PPP2R2B: variants seen among roughly 807,000 people sequenced by gnomAD.
PPP2R2B encodes protein phosphatase 2 regulatory subunit Bbeta, also known as serine/threonine-protein phosphatase 2A 55 kDa regulatory subunit B beta isoform.
Under a neutral mutation model 46.0 loss-of-function variants are expected in PPP2R2B, and 5 were observed. The ratio of observed to expected loss-of-function variants is 0.11; its 90% CI spans 0.06 to 0.23. The LOEUF (loss-of-function observed/expected upper bound fraction) is 0.23. PPP2R2B is among the 10% of genes least tolerant of loss of function. PPP2R2B has a pLI of 1.00. For synonymous variants in PPP2R2B, 215 were observed against 206.7 expected (o/e 1.04, Z -0.34); for missense variants, 367 against 575.0 (o/e 0.64, Z 3.70).
intron 1 of PPP2R2B, among the ~76,000 whole-genome samples, chr5:147,004,689 C>T (rs915745276): frequency 1.8e-4 from 27 of 152,092 alleles, no homozygotes; most frequent in African/African-American, 6.5e-4. Flanking sequence ...TTTGTTGTCC[C>T]CTGCTTGAGG....
chr5:147,003,771 A>G (rs907095528), intron 1 of PPP2R2B, among the ~76,000 whole-genome samples: 11 of 152,154 alleles, frequency 7.2e-5, no homozygotes, highest in African/African-American at 2.7e-4. Flanking sequence ...GAAAAAGCCC[A>G]TGAATTATTC....
At chr5:147,054,399 G>A (rs1291201642) in intron 1 of PPP2R2B, among the ~76,000 whole-genome samples, 1 of 151,936 alleles carries the variant, frequency 6.6e-6, no homozygotes, top group Non-Finnish European at 1.5e-5. Context: ...GACTTACTAA[G>A]TTTTTCTCCA....
At chr5:146,877,290 G>C (rs1761951270) in intron 2 of PPP2R2B, among the ~76,000 whole-genome samples, 2 of 152,148 alleles carry the variant, frequency 1.3e-5, no homozygotes, top group Non-Finnish European at 2.9e-5. Context: ...GCAAAGCTCA[G>C]CTTGCTGAAC....
At chr5:146,834,611 G>A (rs545579329) in intron 2 of PPP2R2B, among the ~76,000 whole-genome samples, 47 of 152,212 alleles carry the variant, frequency 3.1e-4, no homozygotes, top group African/African-American at 1.1e-3. Flanking sequence ...TTTTATGAAA[G>A]TTCAGAGTCC....
chr5:146,592,072 A>T (rs930197649), intron 9 of PPP2R2B: 9 of 429,734 alleles, frequency 2.1e-5, no homozygotes, highest in Non-Finnish European at 4.2e-5. Context: ...ATAAAATGAG[A>T]GGGCTGGCTT....
Position 146,727,607 on chromosome 5 carries a change from G to A in PPP2R2B, c.71-26465C>T, listed in dbSNP as rs940756145. 9.9e-5 allele frequency among the ~76,000 whole-genome samples: 15 copies of A among 151,812 alleles called. No individual in the cohort carries two copies. In the East Asian group the frequency reaches 1.2e-3, roughly 12 times the overall value. ...ATTTAGATAGGTGCAGTAACAGCCC[G>A]GACTTCACCACTATGCAATAGATCC... On this transcript the variant is annotated intron_variant, in intron 2 of 9. Coordinates refer to ENST00000394411, the MANE Select transcript of PPP2R2B (RefSeq NM_181675.4).
chr5:146,963,135 C>T (rs1752249767), intron 1 of PPP2R2B, among the ~76,000 whole-genome samples: 1 of 152,170 alleles, frequency 6.6e-6, no homozygotes, highest in Non-Finnish European at 1.5e-5. Flanking sequence ...CTTTGCTTCC[C>T]ATTTAGGGGC....
chr5:146,921,044 G>A (rs1582430876), intron 1 of PPP2R2B, among the ~76,000 whole-genome samples: 2 of 152,160 alleles, frequency 1.3e-5, no homozygotes, highest in East Asian at 1.9e-4. Context: ...TGTTGTCTCT[G>A]GTCTTTGTTC....
intron 1 of PPP2R2B, among the ~76,000 whole-genome samples, chr5:146,970,630 A>T (rs1215068674): frequency 6.6e-6 from 1 of 152,024 alleles, no homozygotes; most frequent in African/African-American, 2.4e-5. Context: ...AGAAGGGAAG[A>T]CCAGAAGGTT....
chr5:146,708,395 ATGTGTGTGTGTATGTGTGTGTGTGTG>A (rs1159052257), intron 2 of PPP2R2B, among the ~76,000 whole-genome samples: 1 of 128,196 alleles, frequency 7.8e-6, no homozygotes, highest in Non-Finnish European at 1.7e-5. Context: ...ATATCTATGT[ATGTGTGTGTGTATGTGTGTGTGTGTG>A]TGTGTGTGTG....
chr5:146,621,047 GC>G (rs1773644503), intron 7 of PPP2R2B, among the ~76,000 whole-genome samples: 1 of 152,250 alleles, frequency 6.6e-6, no homozygotes, highest in Non-Finnish European at 1.5e-5. Context: ...TCCCTGCAGA[GC>G]AAGGTGAGCA....
chr5:146,680,267 T>C (rs867636101), intron 5 of PPP2R2B, among the ~76,000 whole-genome samples: 23 of 148,146 alleles, frequency 1.6e-4, no homozygotes, highest in Middle Eastern at 3.5e-3. Context: ...AAATTGGAAA[T>C]CATCATTCTC....
chr5:147,026,415 C>T (rs766495421), intron 1 of PPP2R2B, among the ~76,000 whole-genome samples: 1 of 151,922 alleles, frequency 6.6e-6, no homozygotes, highest in African/African-American at 2.4e-5. Context: ...AAAATGCAAA[C>T]TAATCTACAG....
intron 2 of PPP2R2B, among the ~76,000 whole-genome samples, chr5:147,067,464 A>C (rs1757448476): frequency 6.6e-6 from 1 of 152,156 alleles, no homozygotes; most frequent in Non-Finnish European, 1.5e-5. Flanking sequence ...TAGATTCATC[A>C]GTGTTGTCAC....
At chr5:146,814,247 G>T (rs755817531) in intron 2 of PPP2R2B, among the ~76,000 whole-genome samples, 39 of 149,938 alleles carry the variant, frequency 2.6e-4, no homozygotes, top group Non-Finnish European at 5.3e-4. Flanking sequence ...CTTTTTTGGG[G>T]AGACAATGTT....
At chr5:147,018,344 C>T (rs1324320895) in intron 1 of PPP2R2B, among the ~76,000 whole-genome samples, 1 of 152,036 alleles carries the variant, frequency 6.6e-6, no homozygotes. Flanking sequence ...ATTTTCCTGT[C>T]TTGGAAGTAT....
chr5:146,880,189 G>A (rs1582347307), upstream of PPP2R2B, among the ~76,000 whole-genome samples: 1 of 149,032 alleles, frequency 6.7e-6, no homozygotes, highest in African/African-American at 2.5e-5. Flanking sequence ...TTGTGTGTGT[G>A]TGTGTGTGTG....
At chr5:146,667,325 T>TGCGC (rs748404166) in intron 5 of PPP2R2B, among the ~76,000 whole-genome samples, 1 of 42,942 alleles carries the variant, frequency 2.3e-5, no homozygotes, top group African/African-American at 6.9e-5. Flanking sequence ...GGAATAGGCG[T>TGCGC]GCGCGCGCAC....
intron 2 of PPP2R2B, among the ~76,000 whole-genome samples, chr5:146,867,754 G>A (rs999133153): frequency 6.6e-6 from 1 of 152,150 alleles, no homozygotes; most frequent in Non-Finnish European, 1.5e-5. Context: ...AGGACGGAGT[G>A]TCACCTGCCC....
Sources: allele counts gnomAD v4.1 joint callset (sites outside exome capture counted in the v4.1 genomes callset), GRCh38; gene constraint gnomAD v4.1.1; transcripts MANE v1.5; gene names NCBI Gene and HGNC (gene_info 2026-07-23, HGNC 2026-07-21).